The following ZNF385B variants were observed in gnomAD, a reference collection of about 807,000 sequenced individuals.
The protein encoded by ZNF385B is zinc finger protein 385B, also known as zinc finger protein 533.
In ZNF385B, 23 loss-of-function variants were observed where a neutral mutation model predicts 39.2. That is an observed-to-expected ratio of 0.59 (90% CI 0.42 to 0.83). The LOEUF (loss-of-function observed/expected upper bound fraction) is 0.83, where lower values mean the gene tolerates loss of function less well. ZNF385B is among the 40% of genes least tolerant of loss of function. The pLI, the probability that ZNF385B is intolerant of heterozygous loss-of-function variation, is 0.00. For synonymous variants in ZNF385B, 205 were observed against 222.6 expected (o/e 0.92, Z 0.70); for missense variants, 552 against 598.9 (o/e 0.92, Z 0.82).
At chr2:179,659,450 C>G (rs1375340050) in intron 3 of ZNF385B, among the ~76,000 whole-genome samples, 1 of 151,974 alleles carries the variant, frequency 6.6e-6, no homozygotes, top group Non-Finnish European at 1.5e-5. Context: ...AGAAAGCTTC[C>G]TATATCATCT....
chr2:179,500,017 TA>T (rs1415533150), intron 5 of ZNF385B, among the ~76,000 whole-genome samples: 1 of 151,734 alleles, frequency 6.6e-6, no homozygotes, highest in African/African-American at 2.4e-5. Flanking sequence ...GAAAAAGATA[TA>T]AAAAAGTAAT....
chr2:179,474,015 TCTA>T (rs1436636446), intron 6 of ZNF385B, among the ~76,000 whole-genome samples: 5 of 152,252 alleles, frequency 3.3e-5, no homozygotes, highest in African/African-American at 1.2e-4. Flanking sequence ...TCATGCTCAT[TCTA>T]CTATGCTATG....
intron 3 of ZNF385B, among the ~76,000 whole-genome samples, chr2:179,750,212 G>A (rs947929843): frequency 6.6e-6 from 1 of 152,038 alleles, no homozygotes; most frequent in African/African-American, 2.4e-5. Flanking sequence ...TGCAGCAGGA[G>A]GTGGTTAGAG....
intron 6 of ZNF385B, among the ~76,000 whole-genome samples, chr2:179,478,679 T>A (rs557058100): frequency 6.6e-6 from 1 of 152,330 alleles, no homozygotes; most frequent in South Asian, 2.1e-4. Context: ...AAACTAGAAA[T>A]GTCATTTCCT....
At chr2:179,645,932 G>A (rs1344939738) in intron 3 of ZNF385B, among the ~76,000 whole-genome samples, 1 of 152,134 alleles carries the variant, frequency 6.6e-6, no homozygotes, top group Non-Finnish European at 1.5e-5. Flanking sequence ...CTGATGATGA[G>A]AGTGGCTCAC....
At chr2:179,520,876 T>A (rs948862454) in intron 4 of ZNF385B, among the ~76,000 whole-genome samples, 9 of 152,182 alleles carry the variant, frequency 5.9e-5, no homozygotes, top group Admixed American at 1.3e-4. Context: ...GAAGTACACT[T>A]AAACAATAAA....
chr2:179,594,725 C>G (rs1386756206), intron 3 of ZNF385B, among the ~76,000 whole-genome samples: 1 of 152,032 alleles, frequency 6.6e-6, no homozygotes, highest in African/African-American at 2.4e-5. Context: ...AAGTAGGACT[C>G]TCCTCTCAGG....
intron 4 of ZNF385B, among the ~76,000 whole-genome samples, chr2:179,521,513 T>C (rs2058505722): frequency 6.6e-6 from 1 of 151,976 alleles, no homozygotes; most frequent in Admixed American, 6.6e-5. Flanking sequence ...AATAGTTTTA[T>C]TCTGCCCAAA....
At chr2:179,735,203 C>G (rs1385231792) in intron 3 of ZNF385B, among the ~76,000 whole-genome samples, 52 of 151,204 alleles carry the variant, frequency 3.4e-4, no homozygotes, top group Non-Finnish European at 6.5e-4. Context: ...CAAACAACCC[C>G]ATCAAAAAGT....
At chr2:179,572,181 C>T (rs1404127831) in intron 3 of ZNF385B, among the ~76,000 whole-genome samples, 2 of 152,040 alleles carry the variant, frequency 1.3e-5, no homozygotes, top group Non-Finnish European at 2.9e-5. Context: ...TCTAGGAATT[C>T]TAAAATAATA....
At chr2:179,674,237 C>T (rs1438063951) in intron 3 of ZNF385B, among the ~76,000 whole-genome samples, 1 of 152,066 alleles carries the variant, frequency 6.6e-6, no homozygotes, top group African/African-American at 2.4e-5. Flanking sequence ...AAAAAATGGT[C>T]GCAATTCCTG....
chr2:179,605,939 A>G (rs1364703617), intron 3 of ZNF385B, among the ~76,000 whole-genome samples: 1 of 152,188 alleles, frequency 6.6e-6, no homozygotes, highest in Non-Finnish European at 1.5e-5. Flanking sequence ...GAACATTAAT[A>G]TCTAGCTGAG....
At chr2:179,786,062 T>C (rs1215614185) in intron 1 of ZNF385B, among the ~76,000 whole-genome samples, 1 of 152,142 alleles carries the variant, frequency 6.6e-6, no homozygotes, top group Admixed American at 6.6e-5. Context: ...TCAGCAGCAG[T>C]CAACACTGAG....
intron 3 of ZNF385B, among the ~76,000 whole-genome samples, chr2:179,573,197 G>A (rs1002032334): frequency 4.6e-5 from 7 of 152,046 alleles, no homozygotes; most frequent in African/African-American, 1.4e-4. Context: ...CTTTTCAGAC[G>A]TTGCATATGC....
chr2:179,518,180 T>G (rs1274270071), intron 5 of ZNF385B, among the ~76,000 whole-genome samples: 2 of 152,250 alleles, frequency 1.3e-5, no homozygotes, highest in Non-Finnish European at 2.9e-5. Context: ...AGATAAATTC[T>G]TAATTTTTGA....
chr2:179,655,646 A>G (rs1211262015), intron 3 of ZNF385B, among the ~76,000 whole-genome samples: 1 of 152,088 alleles, frequency 6.6e-6, no homozygotes, highest in East Asian at 1.9e-4. Context: ...CCTTTTAAAG[A>G]AACAAAATTT....
At position 179,769,820 on chromosome 2, in the gene ZNF385B, T is replaced by C. The variant is rs1703910995; in HGVS notation, c.-2-18A>G. ...CCTCATGCCTGAAAAACAAAACAAGTACAAGTGCTTCTGAAATGATATATG... is the reference window on the plus strand; with the variant it reads ...CCTCATGCCTGAAAAACAAAACAAGCACAAGTGCTTCTGAAATGATATATG... On this transcript the variant is annotated intron_variant, in intron 2 of 9. Transcript: ENST00000410066. 2.5e-6 allele frequency: 4 copies of C among 1,573,228 alleles called. No homozygotes were observed. In the African/African-American group the frequency reaches 4.1e-5, roughly 16 times the overall value.
chr2:179,571,250 G>A (rs2105996906), intron 3 of ZNF385B, among the ~76,000 whole-genome samples: 1 of 152,262 alleles, frequency 6.6e-6, no homozygotes, highest in East Asian at 1.9e-4. Flanking sequence ...TTGAGGTTCT[G>A]AGAGGTTATG....
At chr2:179,556,733 A>G (rs577935741) in intron 3 of ZNF385B, among the ~76,000 whole-genome samples, 1 of 149,522 alleles carries the variant, frequency 6.7e-6, no homozygotes, top group Non-Finnish European at 1.5e-5. Flanking sequence ...TGAAGTCTGA[A>G]GCCTCTTTCT....
Sources: allele counts gnomAD v4.1 joint callset (sites outside exome capture counted in the v4.1 genomes callset), GRCh38; gene constraint gnomAD v4.1.1; transcripts MANE v1.5; gene names NCBI Gene and HGNC (gene_info 2026-07-23, HGNC 2026-07-21).